SETDB1: variants seen among roughly 807,000 people sequenced by gnomAD.
The protein encoded by SETDB1 is histone-lysine N-methyltransferase SETDB1.
SETDB1 carries 31 observed loss-of-function variants against 137.4 expected under a neutral mutation model. The observed-to-expected ratio is 0.23, with a 90% CI of 0.17 to 0.30. The LOEUF is 0.30. Ranked by LOEUF, SETDB1 falls within the 10% of genes least tolerant of loss-of-function variation. SETDB1 has a pLI of 1.00. For synonymous variants in SETDB1, 548 were observed against 579.9 expected, an observed-to-expected ratio of 0.95 and a Z score of 0.79; for missense variants, 1,113 against 1,631.5, an observed-to-expected ratio of 0.68 and a Z score of 5.47.
rs775626996 is a variant in SETDB1 at position 150,961,092 on chromosome 1, G to A, written c.3033G>A (p.Gly1011=). 2 of 1,614,090 alleles carry A rather than the reference G, an allele frequency of 1.2e-6. No homozygotes were observed. The highest frequency in any genetic ancestry group is 1.7e-6 in the Non-Finnish European group (2 of 1,179,974). The change falls in exon 16 of 22, where the codon GGG becomes GGA. Residue 1011 remains glycine (G), a synonymous_variant. Transcript: ENST00000692827. Reference sequence around the variant, plus strand: ...CATCCTTCAAGACTAATGAAGGTGGGGAGGGCCGGGCTGGGGGAAGCCGAA... The same window carrying A: ...CATCCTTCAAGACTAATGAAGGTGGAGAGGGCCGGGCTGGGGGAAGCCGAA... ...SHSSFKTNEG[G]EGRAGGSRME...
intron 19 of SETDB1, 79 bp from the exon 20 acceptor site, chr1:150,963,451 G>T: frequency 8.6e-7 from 1 of 1,163,344 alleles, no homozygotes; most frequent in Non-Finnish European, 1.2e-6. Flanking sequence ...GAGAGAAATA[G>T]GGGTAGAATG....
chr1:150,959,238 G>A lies in SETDB1; in HGVS notation c.2394G>A (p.Val798=). ...CDPNMCTNRL[V]QHGLQVRLQL... is the part of the protein sequence containing the mutation. The stretch of plus-strand genomic sequence containing the variant: ...CAAACATGTGCACAAACCGGTTGGT[G>A]CAACATGGACTACAAGTTCGGCTAC... The change falls in exon 15 of 22, where the codon GTG becomes GTA. Residue 798 remains valine, a synonymous_variant. Transcript: ENST00000692827. 2 of 1,608,618 alleles carry A rather than the reference G, an allele frequency of 1.2e-6. No homozygotes were observed. Among genetic ancestry groups the A allele is most frequent in the East Asian group, 2.2e-5 (1 of 44,468 alleles).
chr1:150,946,573 C>T (rs928885129), intron 9 of SETDB1, among the ~76,000 whole-genome samples: 5 of 151,978 alleles, frequency 3.3e-5, no homozygotes, highest in African/African-American at 4.8e-5. Context: ...CTCAGCCTCC[C>T]GAGTAACTGG....
intron 3 of SETDB1, among the ~76,000 whole-genome samples, chr1:150,931,901 G>A (rs1669771366): frequency 6.6e-6 from 1 of 151,922 alleles, no homozygotes; most frequent in South Asian, 2.1e-4. Context: ...AGCCTAATTG[G>A]ATTTTGGATT....
intron 1 of SETDB1, chr1:150,926,782 G>T (rs1484300947): frequency 1.9e-6 from 1 of 533,478 alleles, no homozygotes; most frequent in African/African-American, 1.9e-5. Flanking sequence ...ACACGAATGT[G>T]TGAAGTATTT....
At chr1:150,962,771 T>C (rs1371097915) in intron 18 of SETDB1, 52 bp downstream of exon 18, 1 of 1,588,328 alleles carries the variant, frequency 6.3e-7, no homozygotes, top group East Asian at 2.2e-5. Flanking sequence ...TGGGCCATTG[T>C]CACCTCATCA....
chr1:150,947,759 A>G (rs1670372417), intron 10 of SETDB1, among the ~76,000 whole-genome samples: 1 of 152,158 alleles, frequency 6.6e-6, no homozygotes, highest in Admixed American at 6.5e-5. Context: ...TGGGTGACAG[A>G]ACGAGACCCT....
intron 3 of SETDB1, among the ~76,000 whole-genome samples, chr1:150,931,726 C>CAAAAAAA (rs10691133): frequency 3.5e-4 from 25 of 72,326 alleles, no homozygotes; most frequent in Non-Finnish European, 5.6e-4. Flanking sequence ...CTGTCTCACC[C>CAAAAAAA]AAAAAAAAAA....
chr1:150,951,005 G>A lies in SETDB1; in HGVS notation c.2131G>A (p.Glu711Lys), dbSNP rs761912588. The A allele has an allele frequency of 1.2e-6, 2 of 1,614,122 alleles. No individual in the cohort carries two copies. The highest frequency in any genetic ancestry group is 2.2e-5 in the South Asian group (2 of 91,086). ...TCCACCCCAGGTGGCCTACAGCAAG[G>A]AACGTATCCCGGGCAAGGGTGTTTT... is the stretch of plus-strand genomic sequence containing the variant. Reference protein sequence around the residue: ...TPPPQVAYSKERIPGKGVFIN... With the variant: ...TPPPQVAYSKKRIPGKGVFIN... Residue 711 changes from glutamate (E) to lysine (K), a missense_variant, in exon 13 of 22, where the codon GAA becomes AAA. Glu to Lys is a moderately conservative substitution (Grantham distance 56, BLOSUM62 1). Transcript: ENST00000692827.
rs1669834625 is a variant in SETDB1, at chr1:150,933,543, A to G, written c.412+3425A>G. Among the ~76,000 whole-genome samples, 5 of 150,870 alleles carry G rather than the reference A, an allele frequency of 3.3e-5. No individual in the cohort carries two copies. The South Asian group carries it at 1.0e-3, about 32-fold the overall frequency. On this transcript the variant is annotated intron_variant, in intron 3 of 21. Coordinates refer to ENST00000692827, the MANE Select transcript of SETDB1 (RefSeq NM_001366418.1). ...AGGCACGCGCCATCACACCCAGCTA[A>G]TTTTTGTACTTTTAGTAGAGACAGG...
At chr1:150,930,382 C>T (rs1295974596) in intron 3 of SETDB1, 2 of 362,278 alleles carry the variant, frequency 5.5e-6, no homozygotes, top group East Asian at 1.0e-4. Context: ...AGTGGAATTG[C>T]CAGGACTTAT....
At position 150,963,062 on chromosome 1, in the gene SETDB1, C is replaced by T. The variant is rs371365694; in HGVS notation, c.3383C>T (p.Ala1128Val). 10 of 1,614,094 alleles carry T rather than the reference C, an allele frequency of 6.2e-6. No individual in the cohort carries two copies. In the South Asian group the frequency reaches 6.6e-5, roughly 11 times the overall value. Reference sequence around the variant, plus strand: ...ACTGCTGGTCAGACTTCGGCTACAGCGGTTGACAGTGATGATATCCAGACC... The same window carrying T: ...ACTGCTGGTCAGACTTCGGCTACAGTGGTTGACAGTGATGATATCCAGACC... ...KPTAGQTSAT[A>V]VDSDDIQTIS... Residue 1128 changes from alanine to valine, a missense_variant, in exon 19 of 22, where the codon GCG (alanine) becomes GTG (valine). Physicochemically the swap from Ala to Val is moderately conservative, Grantham distance 64. This residue lies in a region of SETDB1 where 373 missense variants were observed against 412.7 expected (regional missense o/e 0.90). Coordinates refer to ENST00000692827, the MANE Select transcript of SETDB1 (RefSeq NM_001366418.1).
intron 18 of SETDB1, 41 bp from the exon 19 acceptor site, chr1:150,962,933 C>G (rs1328221306): frequency 6.2e-7 from 1 of 1,600,476 alleles, no homozygotes; most frequent in Admixed American, 1.7e-5. Context: ...AGGAGCCCTT[C>G]CCATTTACTT....
chr1:150,940,086 G>A, intron 4 of SETDB1, 112 bp downstream of exon 4: 1 of 711,156 alleles, frequency 1.4e-6, no homozygotes, highest in Non-Finnish European at 2.4e-6. Flanking sequence ...TTCACCCTGT[G>A]ATCAGCCCTT....
chr1:150,931,282 G>A (rs2867295), intron 3 of SETDB1, among the ~76,000 whole-genome samples: 35,927 of 112,384 alleles, frequency 0.32, 6,516 homozygotes, highest in South Asian at 0.48. Context: ...AAAAAAAAAA[G>A]GGTTTCCAGA....
chr1:150,938,089 C>T (rs372583738), intron 3 of SETDB1, among the ~76,000 whole-genome samples: 3 of 151,808 alleles, frequency 2.0e-5, no homozygotes, highest in Non-Finnish European at 2.9e-5. Flanking sequence ...GGTGTGGTGG[C>T]GCGTGCCTGT....
At position 150,951,077 on chromosome 1, in the gene SETDB1, G is replaced by A; in HGVS notation, c.2203G>A (p.Gly735Arg). ...EFLVGCDCKD[G>R]CRDKSKCACH... Reference sequence around the variant, plus strand: ...TCTGGTTGGCTGTGACTGCAAGGATGGGTGTCGGGACAAGTGAGTTGGTGG... The same window carrying A: ...TCTGGTTGGCTGTGACTGCAAGGATAGGTGTCGGGACAAGTGAGTTGGTGG... The change falls in exon 13 of 22, where the codon GGG becomes AGG. Residue 735 changes from glycine (G) to arginine (R), a missense_variant. Transcript: ENST00000692827. The A allele has an allele frequency of 6.2e-7, 1 of 1,609,260 alleles. No homozygotes were observed. Among genetic ancestry groups the A allele is most frequent in the Non-Finnish European group, 8.5e-7 (1 of 1,176,152 alleles).
intron 16 of SETDB1, 36 bp from the exon 17 acceptor site, chr1:150,962,094 G>A: frequency 6.2e-7 from 1 of 1,613,710 alleles, no homozygotes; most frequent in Non-Finnish European, 8.5e-7. Context: ...ACCCGAGGCT[G>A]TGAAAGCATT....
Position 150,941,421 on chromosome 1 carries a change from G to C in SETDB1, c.540G>C (p.Leu180=). The change falls in exon 5 of 22, where the codon CTG becomes CTC. Residue 180 remains leucine (L), a synonymous_variant. Transcript: ENST00000692827. ...ACAAGAAGAGCAGTTCCCAGGATCT[G>C]CATAAAGGTTAGGGTCAAGAAATAC... ...AVNKKSSSQD[L]HKGTLSQMSG... The C allele has an allele frequency of 4.4e-6, 7 of 1,602,120 alleles. No homozygotes were observed. The highest frequency in any genetic ancestry group is 1.7e-5 in the Admixed American group (1 of 59,970).
Sources: allele counts gnomAD v4.1 joint callset (sites outside exome capture counted in the v4.1 genomes callset), GRCh38; gene constraint gnomAD v4.1.1; regional missense constraint gnomAD v4.1.1; transcripts MANE v1.5; gene names NCBI Gene and HGNC (gene_info 2026-07-23, HGNC 2026-07-21).